BST1: variants seen among roughly 807,000 people sequenced by gnomAD.
BST1 encodes bone marrow stromal cell antigen 1, also known as ADP-ribosyl cyclase/cyclic ADP-ribose hydrolase 2.
BST1 carries 49 observed loss-of-function variants against 40.6 expected under a neutral mutation model. The observed-to-expected ratio is 1.21, with a 90% CI of 0.96 to 1.53. The LOEUF is 1.53. Among genes scored for constraint, BST1 ranks in the 40% most tolerant of loss-of-function variants. BST1 has a pLI of 0.00. For missense variants in BST1, 423 were observed against 395.9 expected, an observed-to-expected ratio of 1.07 and a Z score of -0.58; for synonymous variants, 157 against 159.3, an observed-to-expected ratio of 0.99 and a Z score of 0.11.
At chr4:15,748,463 G>A in the BST1 span, among the ~76,000 whole-genome samples, 1 of 152,158 alleles carries the variant, frequency 6.6e-6, no homozygotes. Context: ...TGGGAATCTA[G>A]GGGTTCAAGG....
At chr4:15,710,101 T>C (rs1367207991) in intron 3 of BST1, among the ~76,000 whole-genome samples, 1 of 152,044 alleles carries the variant, frequency 6.6e-6, no homozygotes, top group Non-Finnish European at 1.5e-5. Context: ...GCCTCTTAAG[T>C]AGCTGGACTA....
intron 8 of BST1, among the ~76,000 whole-genome samples, chr4:15,728,788 G>A (rs1721245907): frequency 6.6e-6 from 1 of 151,980 alleles, no homozygotes; most frequent in Non-Finnish European, 1.5e-5. Context: ...TGGGCCCACA[G>A]GTGTGAGCTA....
At chr4:15,725,947 CTTTTT>C (rs1206237130) in intron 8 of BST1, among the ~76,000 whole-genome samples, 6 of 60,146 alleles carry the variant, frequency 1.0e-4, no homozygotes, top group African/African-American at 3.4e-4. Context: ...GAAGTGCGGT[CTTTTT>C]TTTTTTTTTT....
chr4:15,753,463 C>T, the BST1 span, among the ~76,000 whole-genome samples: 10 of 152,228 alleles, frequency 6.6e-5, no homozygotes, highest in Middle Eastern at 3.2e-3. Flanking sequence ...GAATGGCTCA[C>T]GATCGCGCCA....
chr4:15,714,184 C>A (rs989547042), intron 4 of BST1, among the ~76,000 whole-genome samples: 1 of 152,118 alleles, frequency 6.6e-6, no homozygotes, highest in Non-Finnish European at 1.5e-5. Flanking sequence ...TGACTGTTAG[C>A]ACTATTTGGA....
At chr4:15,757,647 T>A in the BST1 span, among the ~76,000 whole-genome samples, 4 of 152,184 alleles carry the variant, frequency 2.6e-5, no homozygotes, top group African/African-American at 4.8e-5. Context: ...TATTTATTTA[T>A]TTATTTATTT....
At chr4:15,745,091 A>G in the BST1 span, among the ~76,000 whole-genome samples, 4 of 152,226 alleles carry the variant, frequency 2.6e-5, no homozygotes, top group Admixed American at 2.0e-4. Context: ...AGTGTTTTAT[A>G]TCACATTCAA....
the BST1 span, among the ~76,000 whole-genome samples, chr4:15,757,980 C>T: frequency 6.6e-6 from 1 of 152,026 alleles, no homozygotes; most frequent in South Asian, 2.1e-4. Flanking sequence ...GTTTTAAAAA[C>T]CCAATAACAT....
chr4:15,711,718 C>A, intron 3 of BST1, 89 bp from the exon 4 acceptor site: 1 of 1,023,818 alleles, frequency 9.8e-7, no homozygotes, highest in Non-Finnish European at 1.5e-6. Context: ...GCTAAGTATA[C>A]ATCATGGAAC....
chr4:15,726,351 TGAAC>T (rs1721113705), intron 8 of BST1, among the ~76,000 whole-genome samples: 2 of 125,106 alleles, frequency 1.6e-5, no homozygotes, highest in Admixed American at 8.4e-5. Context: ...AATAGATGAA[TGAAC>T]GAATGAATGG....
chr4:15,704,912 C>T, intron 1 of BST1: 1 of 772,302 alleles, frequency 1.3e-6, no homozygotes, highest in Non-Finnish European at 2.4e-6. Flanking sequence ...TATTGTCGCA[C>T]ATTTCAGGCA....
intron 8 of BST1, among the ~76,000 whole-genome samples, chr4:15,726,597 GC>G (rs1396402731): frequency 6.6e-6 from 1 of 152,208 alleles, no homozygotes; most frequent in Non-Finnish European, 1.5e-5. Context: ...TTTCTAAGGA[GC>G]CTGGAACCTC....
At chr4:15,733,063 G>A (rs567931590), downstream of BST1, among the ~76,000 whole-genome samples, 1 of 152,308 alleles carries the variant, frequency 6.6e-6, no homozygotes, top group South Asian at 2.1e-4. Flanking sequence ...AAGATTTATT[G>A]TGAAGAGCGA....
Position 15,722,762 on chromosome 4 carries a change from T to C in BST1, c.792-113T>C. On this transcript the variant is annotated intron_variant, in intron 7 of 8. Coordinates refer to ENST00000265016, the MANE Select transcript of BST1 (RefSeq NM_004334.3). Reference sequence around the variant, plus strand: ...ATATTTTTAGAGGAAATAGTTTGTGTATTATTTGAGGTCAGAGACTACTGT... The same window carrying C: ...ATATTTTTAGAGGAAATAGTTTGTGCATTATTTGAGGTCAGAGACTACTGT... 3 of 828,808 alleles carry C rather than the reference T, an allele frequency of 3.6e-6. No individual in the cohort carries two copies. The South Asian group carries it at 4.9e-5, about 13-fold the overall frequency. The allele number at this position is 828,808 out of a possible 1,614,324, so 51.3% of individuals were successfully genotyped here.
intron 8 of BST1, among the ~76,000 whole-genome samples, chr4:15,729,351 G>C (rs370764144): frequency 6.6e-6 from 1 of 152,114 alleles, no homozygotes. Flanking sequence ...AGCTACTCAG[G>C]AGTCTGAGGC....
chr4:15,711,730 G>A, intron 3 of BST1, 77 bp from the exon 4 acceptor site: 1 of 1,144,356 alleles, frequency 8.7e-7, no homozygotes, highest in Non-Finnish European at 1.3e-6. Flanking sequence ...TCATGGAACT[G>A]GGATATATTG....
chr4:15,770,476 G>A, the BST1 span, among the ~76,000 whole-genome samples: 23,617 of 152,112 alleles, frequency 0.16, 2,002 homozygotes, highest in South Asian at 0.26. Flanking sequence ...AGGCCGAGGC[G>A]GGTGGATCAC....
the BST1 span, among the ~76,000 whole-genome samples, chr4:15,767,818 A>G: frequency 3.0e-4 from 46 of 151,646 alleles, no homozygotes; most frequent in African/African-American, 1.1e-3. Flanking sequence ...ATGGAATTTC[A>G]CCATGTTGGC....
At chr4:15,758,221 G>T in the BST1 span, among the ~76,000 whole-genome samples, 2 of 151,950 alleles carry the variant, frequency 1.3e-5, no homozygotes, top group Non-Finnish European at 2.9e-5. Flanking sequence ...CTGGGGTTTG[G>T]TATACTAATG....
Sources: gnomAD v4.1 joint callset for allele counts (sites outside exome capture counted in the v4.1 genomes callset) on GRCh38, gnomAD v4.1.1 for gene constraint, MANE v1.5 for transcripts, NCBI Gene and HGNC (gene_info 2026-07-23, HGNC 2026-07-21) for gene names.